CD9: variants seen among roughly 807,000 people sequenced by gnomAD.
CD9 encodes the protein CD9 molecule, also known as CD9 antigen.
CD9 carries 10 observed loss-of-function variants against 31.4 expected under a neutral mutation model. The ratio of observed to expected loss-of-function variants is 0.32; its 90% CI spans 0.20 to 0.54. The LOEUF is 0.54. Ranked by LOEUF, CD9 falls within the 20% of genes least tolerant of loss-of-function variation. The pLI is 0.94. For synonymous variants in CD9, 113 were observed against 114.1 expected, an observed-to-expected ratio of 0.99 and a Z score of 0.06; for missense variants, 259 against 300.1, an observed-to-expected ratio of 0.86 and a Z score of 1.01.
At chr12:6,230,088 C>G (rs769543607) in intron 2 of CD9, among the ~76,000 whole-genome samples, 13 of 152,154 alleles carry the variant, frequency 8.5e-5, no homozygotes, top group Non-Finnish European at 1.6e-4. Context: ...AAAACCAGCC[C>G]GAGCCCTGCA....
In CD9 at chr12:6,237,789, C is replaced by A. The variant is rs772068319; in HGVS notation, c.648C>A (p.Ile216=). 4 of 1,613,396 alleles carry A rather than the reference C, an allele frequency of 2.5e-6. No homozygotes were observed. The highest frequency in any genetic ancestry group is 2.2e-5 in the East Asian group (1 of 44,890). Residue 216 remains isoleucine, a synonymous_variant, in exon 8 of 8, where the codon ATC becomes ATA. Transcript: ENST00000009180. The stretch of plus-strand genomic sequence containing the variant: ...TATTTGGCATGATCTTCAGTATGAT[C>A]TTGTGCTGTGCTATCCGCAGGAACC... ...VMIFGMIFSM[I]LCCAIRRNRE...
Position 6,232,558 on chromosome 12 carries a change from CAG to C in CD9, c.176-73_176-72del, listed in dbSNP as rs2136635865. On this transcript the variant is annotated intron_variant, in intron 2 of 7. Transcript: ENST00000009180. This position sits in a 1 kb window ranked among gnomAD's most constrained non-coding sequence, Gnocchi z 4.8. Reference sequence around the variant, plus strand: ...GAGGCAGGAGTTAGGCAGAGGGAAACAGGAATTGCCGGAGATGCCTGGGCCTC... The same window carrying C: ...GAGGCAGGAGTTAGGCAGAGGGAAACGAATTGCCGGAGATGCCTGGGCCTC... 2 of 905,734 alleles carry C rather than the reference CAG, an allele frequency of 2.2e-6. No homozygotes were observed. Among genetic ancestry groups the C allele is most frequent in the Non-Finnish European group, 3.5e-6 (2 of 567,510 alleles). 56.1% of individuals were successfully genotyped at this position (905,734 alleles called of 1,614,324 possible).
In CD9 at chr12:6,200,410, A is replaced by T. The variant is rs916997207; in HGVS notation, c.-90A>T. On this transcript the variant is annotated 5_prime_UTR_variant, in exon 1 of 8. Coordinates refer to ENST00000009180, the MANE Select transcript of CD9 (RefSeq NM_001769.4). ...CGGAGACCAGCCTACAGCCGCCTGCATCTGTATCCAGCGCCAGGTCCCGCC... is the reference window on the plus strand; with the variant it reads ...CGGAGACCAGCCTACAGCCGCCTGCTTCTGTATCCAGCGCCAGGTCCCGCC... 1 of 826,496 alleles carries T rather than the reference A, an allele frequency of 1.2e-6. No homozygotes were observed. The highest frequency in any genetic ancestry group is 1.4e-5 in the South Asian group (1 of 72,500). 51.2% of individuals were successfully genotyped at this position (826,496 alleles called of 1,614,324 possible).
chr12:6,233,858 G>C (rs1010963875), intron 4 of CD9, among the ~76,000 whole-genome samples: 18 of 151,362 alleles, frequency 1.2e-4, no homozygotes, highest in East Asian at 3.9e-4. Flanking sequence ...CTCCTCCTCT[G>C]ATCTATAAAT....
chr12:6,213,069 C>G (rs1329651811), intron 1 of CD9, among the ~76,000 whole-genome samples: 2 of 152,178 alleles, frequency 1.3e-5, no homozygotes, highest in African/African-American at 4.8e-5. Flanking sequence ...ATAACACAAC[C>G]AGCGTCTTAC....
chr12:6,233,154 G>A (rs1174201712), intron 3 of CD9: 3 of 673,122 alleles, frequency 4.5e-6, no homozygotes, highest in Non-Finnish European at 2.7e-6. Flanking sequence ...CTAACGCCTT[G>A]TAAATGCTAG....
At chr12:6,231,024 G>A (rs918403404) in intron 2 of CD9, among the ~76,000 whole-genome samples, 2 of 152,198 alleles carry the variant, frequency 1.3e-5, no homozygotes, top group Admixed American at 1.3e-4. Flanking sequence ...GGGTGCAGAT[G>A]TGGGACAGTG....
intron 1 of CD9, among the ~76,000 whole-genome samples, chr12:6,203,895 CAG>C (rs1850808335): frequency 6.6e-6 from 1 of 152,180 alleles, no homozygotes; most frequent in African/African-American, 2.4e-5. Flanking sequence ...GCTATACTGA[CAG>C]AGCCCAATCC....
intron 1 of CD9, among the ~76,000 whole-genome samples, chr12:6,223,342 A>G (rs2136621935): frequency 6.6e-6 from 1 of 151,776 alleles, no homozygotes; most frequent in East Asian, 1.9e-4. Flanking sequence ...GCTCACTGCA[A>G]GCTCCGCCTC....
intron 1 of CD9, among the ~76,000 whole-genome samples, chr12:6,224,103 G>T (rs1435455532): frequency 6.6e-6 from 1 of 152,198 alleles, no homozygotes; most frequent in East Asian, 1.9e-4. Flanking sequence ...CAGGCTGGGA[G>T]TGCAGGGCTG....
At chr12:6,215,416 CAG>C (rs1223022053) in intron 1 of CD9, among the ~76,000 whole-genome samples, 3 of 152,148 alleles carry the variant, frequency 2.0e-5, no homozygotes. Flanking sequence ...TGTTGGAAAA[CAG>C]AGTGCCGGCC....
intron 1 of CD9, among the ~76,000 whole-genome samples, chr12:6,214,349 T>TTTTTC (rs1288574098): frequency 7.8e-6 from 1 of 128,298 alleles, no homozygotes; most frequent in Non-Finnish European, 1.6e-5. Flanking sequence ...AGCCTCTTTT[T>TTTTTC]TTTTTTTTTT....
intron 1 of CD9, among the ~76,000 whole-genome samples, chr12:6,207,353 A>T (rs1946144172): frequency 6.6e-6 from 1 of 152,216 alleles, no homozygotes; most frequent in South Asian, 2.1e-4. Context: ...TAGAAATGAT[A>T]AATTCCCTAG....
upstream of CD9, chr12:6,200,256 G>T (rs868772160): frequency 1.0e-4 from 21 of 200,660 alleles, no homozygotes; most frequent in South Asian, 3.3e-3. Flanking sequence ...GGCGGGGGGG[G>T]TGCGGCCCGG....
chr12:6,219,000 G>GT (rs1444413796), intron 1 of CD9, among the ~76,000 whole-genome samples: 1 of 151,964 alleles, frequency 6.6e-6, no homozygotes, highest in Non-Finnish European at 1.5e-5. Context: ...TGCATGGGTT[G>GT]TTTTTTTGTT....
intron 1 of CD9, among the ~76,000 whole-genome samples, chr12:6,212,625 C>G (rs1946204374): frequency 6.6e-6 from 1 of 152,232 alleles, no homozygotes; most frequent in South Asian, 2.1e-4. Flanking sequence ...TAAGCATGTG[C>G]TTAGGGCACC....
In CD9 at chr12:6,219,524, C is replaced by T. The variant is rs192636515; in HGVS notation, c.67-5902C>T. On this transcript the variant is annotated intron_variant, in intron 1 of 7. Transcript: ENST00000009180. The stretch of plus-strand genomic sequence containing the variant: ...CTTTTGAGATGGAGTCTTGCTCTGT[C>T]GCCCAGGCTGGAGTACAGTGGCGTG... Among the ~76,000 whole-genome samples the T allele has an allele frequency of 1.0e-3, 157 of 151,762 alleles. 2 individuals are homozygous for T. The East Asian group carries it at 0.012, about 12-fold the overall frequency.
chr12:6,217,790 A>G lies in CD9; in HGVS notation c.67-7636A>G, dbSNP rs542673694. 2.4e-4 allele frequency among the ~76,000 whole-genome samples: 37 copies of G among 152,032 alleles called. No individual in the cohort carries two copies. In the South Asian group the frequency reaches 2.9e-3, roughly 12 times the overall value. On this transcript the variant is annotated intron_variant, in intron 1 of 7. Coordinates refer to ENST00000009180, the MANE Select transcript of CD9 (RefSeq NM_001769.4). ...ATCCACTCACCACTGCCCACCTCCA[A>G]CCCCTCCCAAAGTGGTAGATATGGC...
intron 1 of CD9, among the ~76,000 whole-genome samples, chr12:6,212,621 T>C (rs1298195541): frequency 6.6e-6 from 1 of 152,252 alleles, no homozygotes; most frequent in Non-Finnish European, 1.5e-5. Flanking sequence ...AGGCTAAGCA[T>C]GTGCTTAGGG....
Sources: gnomAD v4.1 joint callset for allele counts (sites outside exome capture counted in the v4.1 genomes callset) on GRCh38, gnomAD v4.1.1 for gene constraint, Gnocchi (gnomAD v3.1) non-coding constraint, MANE v1.5 for transcripts, NCBI Gene and HGNC (gene_info 2026-07-23, HGNC 2026-07-21) for gene names.